The following DST variants were observed in gnomAD, a reference collection of about 807,000 sequenced individuals.
DST encodes dystonin.
A neutral mutation model predicts 875.2 loss-of-function variants in DST; 253 were observed. The ratio of observed to expected loss-of-function variants is 0.29; its 90% CI spans 0.26 to 0.32. DST has a LOEUF of 0.32. Ranked by LOEUF, DST falls within the 10% of genes least tolerant of loss-of-function variation. DST has a pLI of 1.00. For missense variants in DST, 8,287 were observed against 9,111.6 expected (o/e 0.91, Z 3.68); for synonymous variants, 3,124 against 3,197.1 (o/e 0.98, Z 0.77).
chr6:56,594,671 C>T (rs2098340383), intron 47 of DST, among the ~76,000 whole-genome samples: 1 of 152,066 alleles, frequency 6.6e-6, no homozygotes, highest in South Asian at 2.1e-4. Flanking sequence ...AAAAAGGTTT[C>T]AAAAATAACT....
At chr6:56,638,382 T>A (rs2098845918) in intron 22 of DST, among the ~76,000 whole-genome samples, 1 of 152,166 alleles carries the variant, frequency 6.6e-6, no homozygotes, top group Non-Finnish European at 1.5e-5. Flanking sequence ...AGATCATACA[T>A]AACATCCCTA....
chr6:56,569,764 G>C (rs1193492525), intron 54 of DST, 92 bp downstream of exon 54: 3 of 1,163,938 alleles, frequency 2.6e-6, no homozygotes, highest in African/African-American at 1.5e-5. Context: ...ATAAAACTTA[G>C]ATGATATTAG....
intron 85 of DST, 82 bp from the exon 86 acceptor site, chr6:56,489,691 T>A: frequency 8.0e-7 from 1 of 1,243,240 alleles, no homozygotes; most frequent in Non-Finnish European, 1.1e-6. Context: ...AGACAGAGAT[T>A]AATAGTGATG....
chr6:56,623,034 C>T (rs1008730250), intron 36 of DST, among the ~76,000 whole-genome samples: 2 of 152,140 alleles, frequency 1.3e-5, no homozygotes, highest in African/African-American at 2.4e-5. Flanking sequence ...ATTCCATTAA[C>T]GTAATGTTAA....
intron 2 of DST, among the ~76,000 whole-genome samples, chr6:56,905,353 T>C (rs73459718): frequency 1.5e-3 from 229 of 152,310 alleles, no homozygotes; most frequent in African/African-American, 5.4e-3. Context: ...AGCAGATCTT[T>C]AGAACTCATT....
chr6:56,562,792 T>C (rs530764970), intron 55 of DST, among the ~76,000 whole-genome samples: 1 of 148,760 alleles, frequency 6.7e-6, no homozygotes, highest in South Asian at 2.3e-4. Flanking sequence ...CCCGTATCCA[T>C]GTGTTCTCAT....
intron 2 of DST, among the ~76,000 whole-genome samples, chr6:56,946,737 G>A (rs1282079666): frequency 6.6e-6 from 1 of 152,292 alleles, no homozygotes; most frequent in East Asian, 1.9e-4. Flanking sequence ...TGTGAGTCAG[G>A]AGATAAAAAG....
intron 50 of DST, among the ~76,000 whole-genome samples, chr6:56,576,690 A>G (rs79227858): frequency 0.051 from 7,709 of 152,202 alleles, 563 homozygotes; most frequent in African/African-American, 0.16. Flanking sequence ...GGAGGTAATT[A>G]GGTCATGAGG....
chr6:56,750,345 G>A (rs954301835), intron 4 of DST, among the ~76,000 whole-genome samples: 7 of 152,108 alleles, frequency 4.6e-5, no homozygotes, highest in African/African-American at 1.7e-4. Flanking sequence ...TGCTGCCAAA[G>A]CAAGCACCAT....
intron 4 of DST, among the ~76,000 whole-genome samples, chr6:56,794,552 C>T (rs192082866): frequency 1.5e-3 from 228 of 152,234 alleles, no homozygotes; most frequent in African/African-American, 5.3e-3. Flanking sequence ...TACCTTGAAA[C>T]CCCACAAAAA....
chr6:56,611,766 A>G (rs533500824), intron 37 of DST, among the ~76,000 whole-genome samples, 170 bp from the exon 38 acceptor site: 1 of 152,330 alleles, frequency 6.6e-6, no homozygotes, highest in Non-Finnish European at 1.5e-5. Context: ...AGATAAGAGT[A>G]TTTTATTTAG....
At chr6:56,891,389 C>T (rs1354109712) in intron 3 of DST, among the ~76,000 whole-genome samples, 2 of 151,808 alleles carry the variant, frequency 1.3e-5, no homozygotes, top group African/African-American at 4.8e-5. Context: ...CAGACTCCAC[C>T]TCTACAAAAA....
At chr6:56,693,400 A>T in intron 9 of DST, 1 of 1,109,050 alleles carries the variant, frequency 9.0e-7, no homozygotes, top group Non-Finnish European at 1.1e-6. Flanking sequence ...ATCCTCTTAG[A>T]CAAACATTAC....
chr6:56,648,796 G>C (rs930902649), intron 12 of DST, 107 bp from the exon 13 acceptor site: 2 of 925,098 alleles, frequency 2.2e-6, no homozygotes, highest in Admixed American at 6.0e-5. Context: ...TTTGAAGCCT[G>C]ACAGACAGAA....
At chr6:56,931,962 C>A (rs2127763756) in intron 2 of DST, among the ~76,000 whole-genome samples, 1 of 152,154 alleles carries the variant, frequency 6.6e-6, no homozygotes, top group East Asian at 1.9e-4. Flanking sequence ...TGGGGGACTG[C>A]TGGGAAGGCA....
intron 49 of DST, among the ~76,000 whole-genome samples, chr6:56,580,725 CT>C (rs1167715487): frequency 1.7e-3 from 209 of 121,018 alleles, no homozygotes; most frequent in Middle Eastern, 4.1e-3. Context: ...TTTACTTTTT[CT>C]TTTTTTTTTT....
intron 72 of DST, 130 bp from the exon 73 acceptor site, chr6:56,511,530 C>T: frequency 4.4e-6 from 3 of 684,660 alleles, no homozygotes; most frequent in Non-Finnish European, 7.4e-6. Flanking sequence ...GCATTTAACA[C>T]ATGATGGCTC....
chr6:56,788,946 T>G (rs2099710452), intron 4 of DST, among the ~76,000 whole-genome samples: 1 of 152,226 alleles, frequency 6.6e-6, no homozygotes, highest in African/African-American at 2.4e-5. Context: ...AATCTGTACC[T>G]TGTCCTGCAG....
intron 13 of DST, among the ~76,000 whole-genome samples, chr6:56,647,487 C>G (rs79027911): frequency 6.6e-6 from 1 of 152,098 alleles, no homozygotes; most frequent in African/African-American, 2.4e-5. Context: ...GGAGCTCACC[C>G]TAGGTTATTA....
Sources: allele counts gnomAD v4.1 joint callset (sites outside exome capture counted in the v4.1 genomes callset), GRCh38; gene constraint gnomAD v4.1.1; transcripts MANE v1.5; gene names NCBI Gene and HGNC (gene_info 2026-07-23, HGNC 2026-07-21).